Variants in GNG7 observed in about 807,000 individuals in gnomAD.
The protein encoded by GNG7 is guanine nucleotide-binding protein G(I)/G(S)/G(O) subunit gamma-7.
Under a neutral mutation model 4.0 loss-of-function variants are expected in GNG7, and 1 was observed. That is an observed-to-expected ratio of 0.25 (90% CI 0.09 to 1.18). GNG7 has a LOEUF of 1.18. Ranked by LOEUF, GNG7 falls within the 50% of genes most tolerant of loss-of-function variation. GNG7 has a pLI of 0.50. For synonymous variants in GNG7, 34 were observed against 36.9 expected (o/e 0.92, Z 0.29); for missense variants, 86 against 91.9 (o/e 0.94, Z 0.26).
chr19:2,684,527 C>G (rs1568284472), intron 1 of GNG7, among the ~76,000 whole-genome samples: 1 of 152,094 alleles, frequency 6.6e-6, no homozygotes, highest in Non-Finnish European at 1.5e-5. Flanking sequence ...TCCATACACA[C>G]CCCGGAGTAT....
Position 2,546,635 on chromosome 19 carries a change from C to T in GNG7, c.-38+8514G>A, listed in dbSNP as rs536518592. On this transcript the variant is annotated intron_variant, in intron 3 of 4. Transcript: ENST00000382159. The surrounding 1 kb of genome is among the most constrained non-coding windows in gnomAD (Gnocchi z 6.3). Reference sequence around the variant, plus strand: ...AAAAATAGACCAGCGGGGCAGGTCCCGCCGCTGCCTTCAGCCGGAGCTTGG... The same window carrying T: ...AAAAATAGACCAGCGGGGCAGGTCCTGCCGCTGCCTTCAGCCGGAGCTTGG... Among the ~76,000 whole-genome samples, 12 of 152,274 alleles carry T rather than the reference C, an allele frequency of 7.9e-5. No individual in the cohort carries two copies. The highest frequency in any genetic ancestry group is 1.9e-4 in the East Asian group (1 of 5,184).
rs142261294 is a variant in GNG7 at position 2,631,142 on chromosome 19, T to C, written c.-78+15082A>G. Reference sequence around the variant, plus strand: ...AATGGTGCATTTAGTATTAGACAGCTTGACATGCATTAACCCCTTGAGAGG... The same window carrying C: ...AATGGTGCATTTAGTATTAGACAGCCTGACATGCATTAACCCCTTGAGAGG... On this transcript the variant is annotated intron_variant, in intron 2 of 4. Transcript: ENST00000382159. Among the ~76,000 whole-genome samples the C allele has an allele frequency of 2.8e-3, 425 of 152,318 alleles. 1 individual carries two copies. Among genetic ancestry groups the C allele is most frequent in the African/African-American group, 9.8e-3 (408 of 41,578 alleles).
chr19:2,684,135 A>ATTTT (rs547594113), intron 1 of GNG7, among the ~76,000 whole-genome samples: 1,255 of 125,300 alleles, frequency 0.01, 36 homozygotes, highest in African/African-American at 0.037. Flanking sequence ...CAGCCTGGCC[A>ATTTT]TTTTTTTTTT....
intron 1 of GNG7, chr19:2,700,558 TC>T (rs1913377572): frequency 6.6e-6 from 1 of 152,122 alleles, no homozygotes; most frequent in South Asian, 2.1e-4. Flanking sequence ...AACCCAGTCA[TC>T]CCACTCCTCC....
Position 2,653,148 on chromosome 19 carries a change from G to A in GNG7, c.-134-6868C>T, listed in dbSNP as rs973156283. Reference sequence around the variant, plus strand: ...AATAGAAACTGAAAACAAAAACCAGGCCTCACCCACAGTGTCGAAGGCATG... The same window carrying A: ...AATAGAAACTGAAAACAAAAACCAGACCTCACCCACAGTGTCGAAGGCATG... On this transcript the variant is annotated intron_variant, in intron 1 of 4. Transcript: ENST00000382159. The surrounding 1 kb of genome is among the most constrained non-coding windows in gnomAD (Gnocchi z 4.8). 7.9e-5 allele frequency among the ~76,000 whole-genome samples: 12 copies of A among 151,950 alleles called. No homozygotes were observed. Among genetic ancestry groups the A allele is most frequent in the African/African-American group, 2.9e-4 (12 of 41,358 alleles).
intron 3 of GNG7, chr19:2,538,215 A>G (rs1441577568): frequency 2.2e-6 from 1 of 456,748 alleles, no homozygotes; most frequent in South Asian, 1.5e-5. Flanking sequence ...AAGAGAACAT[A>G]CACGAGCATC....
chr19:2,698,286 G>A (rs1009922259), intron 1 of GNG7, among the ~76,000 whole-genome samples: 9 of 150,868 alleles, frequency 6.0e-5, no homozygotes, highest in African/African-American at 1.5e-4. Context: ...AGGACAGGCC[G>A]GGCGCGGTGG....
At chr19:2,685,518 G>A (rs1435447852) in intron 1 of GNG7, among the ~76,000 whole-genome samples, 7 of 151,804 alleles carry the variant, frequency 4.6e-5, no homozygotes. Flanking sequence ...CCAGCTACTT[G>A]GGAGGTTGAG....
At chr19:2,544,987 G>T (rs139542122) in intron 3 of GNG7, among the ~76,000 whole-genome samples, 1 of 152,200 alleles carries the variant, frequency 6.6e-6, no homozygotes, top group African/African-American at 2.4e-5. Flanking sequence ...GTGTGAACCA[G>T]GGGGACCCCC....
At chr19:2,594,991 G>T (rs368117952) in intron 2 of GNG7, 2 of 151,864 alleles carry the variant, frequency 1.3e-5, no homozygotes, top group African/African-American at 2.4e-5. Flanking sequence ...ATGGTGGCAC[G>T]TACCTGTAGT....
intron 2 of GNG7, among the ~76,000 whole-genome samples, chr19:2,624,986 G>C (rs1981980458): frequency 6.6e-6 from 1 of 152,242 alleles, no homozygotes; most frequent in Non-Finnish European, 1.5e-5. Flanking sequence ...CCGGACCCCA[G>C]GCAGGGGTGG....
In GNG7 at chr19:2,626,469, C is replaced by T. The variant is rs13346057; in HGVS notation, c.-78+19755G>A. On this transcript the variant is annotated intron_variant, in intron 2 of 4. Coordinates refer to ENST00000382159, the MANE Select transcript of GNG7 (RefSeq NM_052847.3). The surrounding 1 kb of genome is among the most constrained non-coding windows in gnomAD (Gnocchi z 5.0). ...CCTCGGGATAAAATGCAGCCTCTGC[C>T]GTGCGGCCTCCTCACTCCCTCCCTC... Among the ~76,000 whole-genome samples, 2,610 of 152,240 alleles carry T rather than the reference C, an allele frequency of 0.017. 73 individuals carry two copies. Among genetic ancestry groups the T allele is most frequent in the African/African-American group, 0.059 (2,453 of 41,526 alleles).
intron 2 of GNG7, among the ~76,000 whole-genome samples, chr19:2,587,134 C>G (rs1980699412): frequency 6.6e-6 from 1 of 152,082 alleles, no homozygotes; most frequent in African/African-American, 2.4e-5. Context: ...GGATCAGCCG[C>G]AGGTTAGGAC....
chr19:2,674,935 T>C (rs749719617), intron 1 of GNG7, among the ~76,000 whole-genome samples: 1 of 152,176 alleles, frequency 6.6e-6, no homozygotes, highest in Non-Finnish European at 1.5e-5. Context: ...CGGACTCGGT[T>C]AGAAAACAAT....
chr19:2,658,798 TGA>T (rs1452071945), intron 1 of GNG7, among the ~76,000 whole-genome samples: 11 of 152,296 alleles, frequency 7.2e-5, no homozygotes, highest in Middle Eastern at 3.4e-3. Context: ...AGCACATTAA[TGA>T]GAGAGGGTAA....
chr19:2,524,781 C>T (rs1042206537), intron 3 of GNG7, among the ~76,000 whole-genome samples: 2 of 152,094 alleles, frequency 1.3e-5, no homozygotes, highest in African/African-American at 4.8e-5. Context: ...CGTGTGCGCA[C>T]ACGTGTGTGG....
intron 3 of GNG7, among the ~76,000 whole-genome samples, chr19:2,532,292 G>T (rs536059083): frequency 1.3e-5 from 2 of 152,074 alleles, no homozygotes; most frequent in African/African-American, 2.4e-5. Flanking sequence ...TGGAATTTTC[G>T]CTGCAAATTG....
chr19:2,601,783 T>C (rs973337322), intron 2 of GNG7, among the ~76,000 whole-genome samples: 3 of 151,866 alleles, frequency 2.0e-5, no homozygotes, highest in Admixed American at 6.6e-5. Context: ...GGTGTGAGCC[T>C]GTAGTCCCAG....
At chr19:2,596,601 T>C (rs1981027751) in intron 2 of GNG7, among the ~76,000 whole-genome samples, 1 of 150,480 alleles carries the variant, frequency 6.6e-6, no homozygotes, top group South Asian at 2.1e-4. Context: ...TCCAAGAGGT[T>C]GAGGCTGTAG....
Sources: gnomAD v4.1 joint callset for allele counts (sites outside exome capture counted in the v4.1 genomes callset) on GRCh38, gnomAD v4.1.1 for gene constraint, Gnocchi (gnomAD v3.1) non-coding constraint, MANE v1.5 for transcripts, NCBI Gene and HGNC (gene_info 2026-07-23, HGNC 2026-07-21) for gene names.